Variants in SEM1 observed in about 807,000 individuals in gnomAD.
SEM1 encodes SEM1 26S proteasome subunit, also known as 26S proteasome complex subunit SEM1.
SEM1 carries 3 observed loss-of-function variants against 12.7 expected under a neutral mutation model. The observed-to-expected ratio is 0.24, with a 90% CI of 0.11 to 0.61. The LOEUF is 0.61. Among genes scored for constraint, SEM1 ranks in the 20% least tolerant of loss-of-function variants. The pLI is 0.88. For missense variants in SEM1, 59 were observed against 81.3 expected (o/e 0.73, Z 1.06); for synonymous variants, 30 against 27.8 (o/e 1.08, Z -0.25).
chr7:96,482,972 C>T (rs962673613), exon 4 of SEM1: 5 of 152,072 alleles, frequency 3.3e-5, no homozygotes, highest in African/African-American at 9.7e-5. Flanking sequence ...TTAGCCTGTT[C>T]TGGATTAGTT....
At chr7:96,683,875 C>CA (rs978685119), downstream of SEM1, among the ~76,000 whole-genome samples, 1 of 151,976 alleles carries the variant, frequency 6.6e-6, no homozygotes, top group African/African-American at 2.4e-5. Context: ...TGGAGTCTGT[C>CA]AGGGGGTGGC....
intron 1 of SEM1, among the ~76,000 whole-genome samples, chr7:96,489,840 C>T (rs1563025251): frequency 6.6e-6 from 1 of 152,160 alleles, no homozygotes. Flanking sequence ...GTCTGTGCGC[C>T]CTCTCCTCTT....
At chr7:96,595,224 ATAGT>A (rs1360307659) in intron 2 of SEM1, among the ~76,000 whole-genome samples, 2 of 152,138 alleles carry the variant, frequency 1.3e-5, no homozygotes, top group Non-Finnish European at 2.9e-5. Context: ...CTATATAAAA[ATAGT>A]TAGGCCGGGC....
chr7:96,623,550 A>G (rs1036276263), intron 2 of SEM1, among the ~76,000 whole-genome samples: 2 of 147,962 alleles, frequency 1.4e-5, no homozygotes, highest in African/African-American at 4.9e-5. Flanking sequence ...ATATAAATGT[A>G]TTATTTTATA....
At chr7:96,643,131 T>C (rs1808667831) in intron 2 of SEM1, among the ~76,000 whole-genome samples, 1 of 152,026 alleles carries the variant, frequency 6.6e-6, no homozygotes, top group Non-Finnish European at 1.5e-5. Flanking sequence ...GGTCCCAGTG[T>C]GTGTTGTTCC....
At chr7:96,613,227 A>C (rs1807597996) in intron 2 of SEM1, among the ~76,000 whole-genome samples, 1 of 152,236 alleles carries the variant, frequency 6.6e-6, no homozygotes, top group Non-Finnish European at 1.5e-5. Flanking sequence ...CTATAGACAT[A>C]AAAATTCTGT....
chr7:96,534,728 G>A (rs140439339), intron 2 of SEM1, among the ~76,000 whole-genome samples: 1 of 152,142 alleles, frequency 6.6e-6, no homozygotes, highest in African/African-American at 2.4e-5. Flanking sequence ...TAGATGGAAT[G>A]CAGAAGCAAA....
intron 2 of SEM1, among the ~76,000 whole-genome samples, chr7:96,668,112 T>C (rs1458116232): frequency 1.3e-5 from 2 of 152,352 alleles, no homozygotes; most frequent in East Asian, 3.9e-4. Flanking sequence ...ATAAAAGTGA[T>C]AGGCATTGAG....
chr7:96,611,001 G>A (rs1006465536), intron 2 of SEM1, among the ~76,000 whole-genome samples: 11 of 152,228 alleles, frequency 7.2e-5, no homozygotes, highest in Middle Eastern at 3.4e-3. Flanking sequence ...TAATTCCCCC[G>A]ACCCCCAGGA....
chr7:96,593,406 C>T (rs1194386000), intron 2 of SEM1, among the ~76,000 whole-genome samples: 3 of 152,252 alleles, frequency 2.0e-5, no homozygotes, highest in South Asian at 4.2e-4. Context: ...TTTACATATA[C>T]ATACCTCCTA....
chr7:96,648,806 A>G (rs551712043), intron 2 of SEM1, among the ~76,000 whole-genome samples: 2 of 152,372 alleles, frequency 1.3e-5, no homozygotes, highest in East Asian at 3.9e-4. Context: ...AGACGATTGC[A>G]TATCAAACTG....
At chr7:96,542,142 A>ACATTGG (rs1378672278) in intron 2 of SEM1, among the ~76,000 whole-genome samples, 1 of 151,660 alleles carries the variant, frequency 6.6e-6, no homozygotes, top group Non-Finnish European at 1.5e-5. Flanking sequence ...GTGAAAAATT[A>ACATTGG]CATTGGTAGT....
At chr7:96,487,226 T>C (rs1802809168) in intron 1 of SEM1, among the ~76,000 whole-genome samples, 1 of 150,012 alleles carries the variant, frequency 6.7e-6, no homozygotes, top group African/African-American at 2.5e-5. Context: ...ATGGAAGCAC[T>C]TTTTAAAAAT....
intron 2 of SEM1, among the ~76,000 whole-genome samples, chr7:96,627,445 T>C (rs1467885039): frequency 6.6e-6 from 1 of 152,092 alleles, no homozygotes; most frequent in Admixed American, 6.6e-5. Flanking sequence ...CTGTATCTCA[T>C]AGGTTTTGGT....
chr7:96,700,934 T>C (rs1194154257), intron 1 of SEM1, among the ~76,000 whole-genome samples: 7 of 151,754 alleles, frequency 4.6e-5, no homozygotes, highest in African/African-American at 9.8e-5. Context: ...CATTATTAAG[T>C]ACTTGTGGAA....
At chr7:96,547,917 G>A (rs962373504) in intron 2 of SEM1, among the ~76,000 whole-genome samples, 1 of 152,056 alleles carries the variant, frequency 6.6e-6, no homozygotes, top group Non-Finnish European at 1.5e-5. Flanking sequence ...TTGGTGACCA[G>A]GCCATTTGTA....
At chr7:96,665,939 TA>T (rs1397810695) in intron 2 of SEM1, among the ~76,000 whole-genome samples, 1 of 152,188 alleles carries the variant, frequency 6.6e-6, no homozygotes, top group Non-Finnish European at 1.5e-5. Context: ...TTAAGTAACT[TA>T]CCTATGACCA....
chr7:96,683,719 T>C (rs937002913), intron 2 of SEM1, among the ~76,000 whole-genome samples: 3 of 152,198 alleles, frequency 2.0e-5, no homozygotes, highest in Non-Finnish European at 4.4e-5. Context: ...GATGAGTTTA[T>C]GTCCTCTGCA....
At chr7:96,655,365 C>T (rs1166795205) in intron 2 of SEM1, among the ~76,000 whole-genome samples, 2 of 151,992 alleles carry the variant, frequency 1.3e-5, no homozygotes, top group South Asian at 4.2e-4. Context: ...CATTGATCAG[C>T]TGTTGGAACC....
Sources: gnomAD v4.1 joint callset for allele counts (sites outside exome capture counted in the v4.1 genomes callset) on GRCh38, gnomAD v4.1.1 for gene constraint, MANE v1.5 for transcripts, NCBI Gene and HGNC (gene_info 2026-07-23, HGNC 2026-07-21) for gene names.